The following DNAH14 variants were observed in gnomAD, a reference collection of about 807,000 sequenced individuals.
DNAH14 encodes the protein axonemal beta dynein heavy chain 14.
DNAH14 carries 478 observed loss-of-function variants against 520.9 expected under a neutral mutation model. The observed-to-expected ratio is 0.92, with a 90% CI of 0.85 to 0.99. The LOEUF (loss-of-function observed/expected upper bound fraction) is 0.99, where lower values mean the gene tolerates loss of function less well. Among genes scored for constraint, DNAH14 ranks in the 50% least tolerant of loss-of-function variants. The pLI, the probability that DNAH14 is intolerant of heterozygous loss-of-function variation, is 0.00. For synonymous variants in DNAH14, 1,581 were observed against 1,757.2 expected, an observed-to-expected ratio of 0.90 and a Z score of 2.51; for missense variants, 4,831 against 5,234.5, an observed-to-expected ratio of 0.92 and a Z score of 2.38.
At chr1:224,990,189 C>T (rs2062940314) in intron 8 of DNAH14, among the ~76,000 whole-genome samples, 1 of 151,962 alleles carries the variant, frequency 6.6e-6, no homozygotes, top group Admixed American at 6.6e-5. Flanking sequence ...TTTTATTTTA[C>T]ATTGACAGAT....
chr1:225,151,721 T>C (rs1174071548), intron 31 of DNAH14, among the ~76,000 whole-genome samples: 2 of 152,222 alleles, frequency 1.3e-5, no homozygotes, highest in Non-Finnish European at 2.9e-5. Flanking sequence ...AGGTTCCTTT[T>C]ACTATGTAAG....
chr1:225,146,240 A>C (rs1478395911), intron 30 of DNAH14, among the ~76,000 whole-genome samples: 2 of 152,164 alleles, frequency 1.3e-5, no homozygotes, highest in Non-Finnish European at 2.9e-5. Flanking sequence ...TGAACAAAAT[A>C]CCAAAATTTT....
At chr1:224,943,307 G>A (rs1204277439) in intron 1 of DNAH14, among the ~76,000 whole-genome samples, 1 of 152,104 alleles carries the variant, frequency 6.6e-6, no homozygotes, top group Non-Finnish European at 1.5e-5. Flanking sequence ...ATTCTCTGAT[G>A]GTAGTTTGTA....
At chr1:225,034,268 A>G (rs1462074188) in intron 11 of DNAH14, among the ~76,000 whole-genome samples, 1 of 152,150 alleles carries the variant, frequency 6.6e-6, no homozygotes, top group Non-Finnish European at 1.5e-5. Context: ...TTTTAACATG[A>G]AGGATATTGA....
At chr1:225,160,440 A>C (rs1488403308) in intron 35 of DNAH14, among the ~76,000 whole-genome samples, 1 of 152,248 alleles carries the variant, frequency 6.6e-6, no homozygotes, top group Non-Finnish European at 1.5e-5. Flanking sequence ...TTCTGAGCAC[A>C]CATGAAAAAC....
In DNAH14 at chr1:224,974,309, A is replaced by G. The variant is rs555457069; in HGVS notation, c.830+156A>G. 5.3e-5 allele frequency among the ~76,000 whole-genome samples: 8 copies of G among 152,278 alleles called. No homozygotes were observed. In the South Asian group the frequency reaches 1.7e-3, roughly 32 times the overall value. ...CTTAACCCATTTTTATTTTTAAAAGACTATTAAACACTGTGTTTTGCAGTG... is the reference window on the plus strand; with the variant it reads ...CTTAACCCATTTTTATTTTTAAAAGGCTATTAAACACTGTGTTTTGCAGTG... On this transcript the variant is annotated intron_variant, in intron 8 of 85. Coordinates refer to ENST00000682510, the MANE Select transcript of DNAH14 (RefSeq NM_001367479.1).
At chr1:225,390,306 C>A (rs1466800148) in intron 83 of DNAH14, among the ~76,000 whole-genome samples, 1 of 152,132 alleles carries the variant, frequency 6.6e-6, no homozygotes, top group Non-Finnish European at 1.5e-5. Context: ...CTAGGCCTTA[C>A]CTGCTCAACA....
chr1:225,220,525 C>T (rs1047110288), intron 41 of DNAH14, among the ~76,000 whole-genome samples: 4 of 151,420 alleles, frequency 2.6e-5, no homozygotes, highest in Non-Finnish European at 5.9e-5. Context: ...GACAAACAGC[C>T]AAATCATGAG....
At chr1:225,358,799 C>CT in intron 74 of DNAH14, 147 bp downstream of exon 74, 1 of 789,404 alleles carries the variant, frequency 1.3e-6, no homozygotes, top group Non-Finnish European at 1.9e-6. Context: ...GATGGTTCCC[C>CT]CCATGCTGTT....
intron 77 of DNAH14, among the ~76,000 whole-genome samples, chr1:225,373,304 C>A (rs1441722690): frequency 6.6e-6 from 1 of 152,064 alleles, no homozygotes; most frequent in Admixed American, 6.5e-5. Context: ...TGCTGGTTAA[C>A]ACAGTGAAAC....
rs1373132680 is a variant in DNAH14 at position 225,232,536 on chromosome 1, C to T, written c.6518+1385C>T. Among the ~76,000 whole-genome samples, 1 of 152,114 alleles carries T rather than the reference C, an allele frequency of 6.6e-6. No individual in the cohort carries two copies. The highest frequency in any genetic ancestry group is 1.9e-4 in the East Asian group (1 of 5,192). On this transcript the variant is annotated intron_variant, in intron 42 of 85. Coordinates refer to ENST00000682510, the MANE Select transcript of DNAH14 (RefSeq NM_001367479.1). The surrounding 1 kb of genome is among the most constrained non-coding windows in gnomAD (Gnocchi z 4.2). ...GTACAGCCTAAAAATGTCCTGCCTA[C>T]CTTTCCAGATTCATCTCCTAATCTC...
chr1:225,080,881 G>A, intron 19 of DNAH14, 133 bp downstream of exon 19: 2 of 903,238 alleles, frequency 2.2e-6, no homozygotes, highest in Non-Finnish European at 1.6e-6. Context: ...CTACAATACA[G>A]GAGTATAGGT....
Position 225,100,697 on chromosome 1 carries a change from A to G in DNAH14, c.3696-16A>G. 6.8e-7 allele frequency: 1 copy of G among 1,467,498 alleles called. No individual in the cohort carries two copies. Among genetic ancestry groups the G allele is most frequent in the Non-Finnish European group, 9.0e-7 (1 of 1,113,906 alleles). 90.9% of individuals were successfully genotyped at this position (1,467,498 alleles called of 1,614,324 possible). On this transcript the variant is annotated splice_polypyrimidine_tract_variant and intron_variant, in intron 22 of 85. Transcript: ENST00000682510. ...CCTTAAAAAAAATAAAATGACATCT[A>G]ATTTTTTTTCTAAAGGCAACTCCCA...
At chr1:225,331,624 C>T in intron 65 of DNAH14, 47 bp downstream of exon 65, 1 of 1,548,362 alleles carries the variant, frequency 6.5e-7, no homozygotes, top group Non-Finnish European at 8.7e-7. Flanking sequence ...TCCTACTGGG[C>T]CCAACAACCC....
chr1:224,954,833 C>T (rs1572028332), intron 2 of DNAH14, 126 bp from the exon 3 acceptor site: 2 of 652,460 alleles, frequency 3.1e-6, no homozygotes, highest in Non-Finnish European at 5.2e-6. Flanking sequence ...TTAACCATAG[C>T]ATTTATTAAA....
intron 52 of DNAH14, among the ~76,000 whole-genome samples, chr1:225,274,708 C>G (rs2093423191): frequency 6.6e-6 from 1 of 152,188 alleles, no homozygotes; most frequent in Non-Finnish European, 1.5e-5. Context: ...CAAGCAAATA[C>G]TTACGGAATT....
At position 225,010,924 on chromosome 1, in the gene DNAH14, T is replaced by G. The variant is rs2064668293; in HGVS notation, c.1107+3380T>G. Among the ~76,000 whole-genome samples the G allele has an allele frequency of 2.0e-5, 3 of 152,138 alleles. No individual in the cohort carries two copies. In the South Asian group the frequency reaches 6.2e-4, roughly 32 times the overall value. The stretch of plus-strand genomic sequence containing the variant: ...TTCTCTGATGGTAGTTTGTATTTCT[T>G]TGGGATCAGTAGTTGTCTCCCCTTC... On this transcript the variant is annotated intron_variant, in intron 10 of 85. Transcript: ENST00000682510.
intron 27 of DNAH14, among the ~76,000 whole-genome samples, chr1:225,129,108 A>C (rs1022209791): frequency 1.3e-5 from 2 of 151,922 alleles, no homozygotes; most frequent in African/African-American, 4.8e-5. Context: ...TCCAACTTAC[A>C]AGGGATGTGA....
At chr1:225,073,750 A>G (rs1194485464) in intron 17 of DNAH14, among the ~76,000 whole-genome samples, 1 of 152,050 alleles carries the variant, frequency 6.6e-6, no homozygotes, top group Non-Finnish European at 1.5e-5. Flanking sequence ...CAGTGGCGCA[A>G]TCTCGGCTCA....
Sources: gnomAD v4.1 joint callset for allele counts (sites outside exome capture counted in the v4.1 genomes callset) on GRCh38, gnomAD v4.1.1 for gene constraint, Gnocchi (gnomAD v3.1) non-coding constraint, MANE v1.5 for transcripts, NCBI Gene and HGNC (gene_info 2026-07-23, HGNC 2026-07-21) for gene names.